FHIT: variants seen among roughly 807,000 people sequenced by gnomAD.
The protein encoded by FHIT is bis(5'-adenosyl)-triphosphatase.
Under a neutral mutation model 17.9 loss-of-function variants are expected in FHIT, and 19 were observed. The observed-to-expected ratio is 1.06, with a 90% CI of 0.74 to 1.56. FHIT has a LOEUF of 1.56. Ranked by LOEUF, FHIT falls within the 40% of genes most tolerant of loss-of-function variation. The pLI is 0.00. For missense variants in FHIT, 248 were observed against 189.2 expected, an observed-to-expected ratio of 1.31 and a Z score of -1.82; for synonymous variants, 81 against 69.7, an observed-to-expected ratio of 1.16 and a Z score of -0.81.
Position 60,112,426 on chromosome 3 carries a change from C to T in FHIT, c.104-98274G>A, listed in dbSNP as rs111984465. Reference sequence around the variant, plus strand: ...CCGAGTTTCAGAAGCCTGATCATAGCGCTGCCACTGCTGCTTCTGCCATCC... The same window carrying T: ...CCGAGTTTCAGAAGCCTGATCATAGTGCTGCCACTGCTGCTTCTGCCATCC... On this transcript the variant is annotated intron_variant, in intron 5 of 9. Coordinates refer to ENST00000492590, the MANE Select transcript of FHIT (RefSeq NM_002012.4). Among the ~76,000 whole-genome samples, 523 of 152,242 alleles carry T rather than the reference C, an allele frequency of 3.4e-3. 1 individual carries two copies. The highest frequency in any genetic ancestry group is 0.011 in the African/African-American group (470 of 41,552).
chr3:60,969,863 T>A (rs1709921636), intron 3 of FHIT, among the ~76,000 whole-genome samples: 1 of 152,140 alleles, frequency 6.6e-6, no homozygotes, highest in South Asian at 2.1e-4. Flanking sequence ...GTTTACTGAC[T>A]TTTTTGTTTG....
intron 5 of FHIT, among the ~76,000 whole-genome samples, chr3:60,279,054 T>C (rs533358060): frequency 2.0e-5 from 3 of 152,122 alleles, no homozygotes; most frequent in South Asian, 4.1e-4. Flanking sequence ...ATCAATTACA[T>C]TGAAAATAGG....
intron 4 of FHIT, among the ~76,000 whole-genome samples, chr3:60,655,958 T>G (rs1386970074): frequency 6.6e-6 from 1 of 152,222 alleles, no homozygotes; most frequent in Non-Finnish European, 1.5e-5. Flanking sequence ...CTGGTGTCCA[T>G]GTTATTTAGA....
chr3:60,363,876 T>C (rs1442037641), intron 5 of FHIT, among the ~76,000 whole-genome samples: 1 of 152,116 alleles, frequency 6.6e-6, no homozygotes, highest in African/African-American at 2.4e-5. Context: ...GTCACCTCAG[T>C]CTAGCTTCCT....
chr3:60,393,454 T>C (rs1424835250), intron 5 of FHIT, among the ~76,000 whole-genome samples: 1 of 150,306 alleles, frequency 6.7e-6, no homozygotes, highest in African/African-American at 2.4e-5. Context: ...TATAATTATA[T>C]ATAAATTTGC....
At chr3:61,020,143 C>T (rs2032335572) in intron 3 of FHIT, among the ~76,000 whole-genome samples, 1 of 152,180 alleles carries the variant, frequency 6.6e-6, no homozygotes, top group South Asian at 2.1e-4. Flanking sequence ...AACTATTTTA[C>T]ACTCCCACCA....
chr3:60,722,051 A>G (rs1026444749), intron 4 of FHIT, among the ~76,000 whole-genome samples: 1 of 152,314 alleles, frequency 6.6e-6, no homozygotes, highest in Middle Eastern at 3.4e-3. Context: ...ATGAGGCTAT[A>G]AACAGCAGTG....
At chr3:60,192,312 G>A (rs771853002) in intron 5 of FHIT, among the ~76,000 whole-genome samples, 1 of 151,760 alleles carries the variant, frequency 6.6e-6, no homozygotes, top group Non-Finnish European at 1.5e-5. Flanking sequence ...TTTGAAAAAG[G>A]TAAACTGAGG....
chr3:60,902,995 C>G (rs928260852), intron 3 of FHIT, among the ~76,000 whole-genome samples: 9 of 152,192 alleles, frequency 5.9e-5, no homozygotes, highest in Non-Finnish European at 1.0e-4. Context: ...CCTAAGTATA[C>G]AATGTCAAGA....
chr3:59,963,493 A>G (rs753676172), intron 7 of FHIT, among the ~76,000 whole-genome samples: 1 of 152,134 alleles, frequency 6.6e-6, no homozygotes, highest in Non-Finnish European at 1.5e-5. Flanking sequence ...AGAGAGAGAC[A>G]GAAAGAGATA....
chr3:59,784,524 G>A (rs770790664), intron 8 of FHIT, among the ~76,000 whole-genome samples: 1 of 152,200 alleles, frequency 6.6e-6, no homozygotes, highest in African/African-American at 2.4e-5. Flanking sequence ...CACTGGACCA[G>A]TCTTGCCTGG....
chr3:60,475,599 G>A (rs1338878251), intron 5 of FHIT, among the ~76,000 whole-genome samples: 5 of 152,186 alleles, frequency 3.3e-5, no homozygotes, highest in Admixed American at 6.5e-5. Flanking sequence ...ACAAGGTGCA[G>A]GGTATCAGTT....
chr3:60,891,664 G>T (rs782028241), intron 3 of FHIT, among the ~76,000 whole-genome samples: 4 of 152,068 alleles, frequency 2.6e-5, no homozygotes, highest in Non-Finnish European at 5.9e-5. Context: ...AGTTGTATTT[G>T]CTATCTCTTG....
At chr3:59,873,928 G>C (rs1398540417) in intron 8 of FHIT, among the ~76,000 whole-genome samples, 1 of 152,106 alleles carries the variant, frequency 6.6e-6, no homozygotes. Flanking sequence ...GAAGAGGAAA[G>C]CAACAAATTA....
Position 60,365,295 on chromosome 3 carries a change from T to C in FHIT, c.103+171565A>G, listed in dbSNP as rs146186270. Reference sequence around the variant, plus strand: ...AGAGGGAAGGCAAGTTAACCAGATATACTTTGAATGTAAGGTTACATGTTC... The same window carrying C: ...AGAGGGAAGGCAAGTTAACCAGATACACTTTGAATGTAAGGTTACATGTTC... On this transcript the variant is annotated intron_variant, in intron 5 of 9. Coordinates refer to ENST00000492590, the MANE Select transcript of FHIT (RefSeq NM_002012.4). 7.7e-4 allele frequency among the ~76,000 whole-genome samples: 117 copies of C among 152,092 alleles called. 1 individual carries two copies. In the East Asian group the frequency reaches 0.017, roughly 23 times the overall value.
At chr3:60,721,094 C>T (rs2041799323) in intron 4 of FHIT, among the ~76,000 whole-genome samples, 1 of 151,926 alleles carries the variant, frequency 6.6e-6, no homozygotes, top group Admixed American at 6.6e-5. Flanking sequence ...GAAGCAATTG[C>T]TTTGTGGGAG....
intron 4 of FHIT, among the ~76,000 whole-genome samples, chr3:60,614,501 G>A (rs1215614031): frequency 6.6e-5 from 10 of 152,088 alleles, no homozygotes; most frequent in African/African-American, 9.7e-5. Context: ...CTACTCAGAA[G>A]CCTAAGTCAG....
intron 7 of FHIT, among the ~76,000 whole-genome samples, chr3:59,938,265 G>A (rs144402343): frequency 1.0e-3 from 156 of 152,198 alleles, no homozygotes; most frequent in African/African-American, 3.6e-3. Flanking sequence ...GGATGAACCT[G>A]GAAGACATAC....
chr3:60,626,680 T>C (rs1553681043), intron 4 of FHIT, among the ~76,000 whole-genome samples: 1 of 152,050 alleles, frequency 6.6e-6, no homozygotes, highest in Admixed American at 6.5e-5. Context: ...GAATGCAGTT[T>C]CTTTTTCTTG....
Sources: gnomAD v4.1 joint callset for allele counts (sites outside exome capture counted in the v4.1 genomes callset) on GRCh38, gnomAD v4.1.1 for gene constraint, MANE v1.5 for transcripts, NCBI Gene and HGNC (gene_info 2026-07-23, HGNC 2026-07-21) for gene names.